CTNNA3: variants seen among roughly 807,000 people sequenced by gnomAD.
The protein encoded by CTNNA3 is catenin alpha 3, also known as catenin alpha-3.
CTNNA3 carries 76 observed loss-of-function variants against 95.7 expected under a neutral mutation model. The ratio of observed to expected loss-of-function variants is 0.79; its 90% CI spans 0.66 to 0.96. The LOEUF (loss-of-function observed/expected upper bound fraction) is 0.96, where lower values mean the gene tolerates loss of function less well. CTNNA3 is among the 40% of genes least tolerant of loss of function. The pLI is 0.00. For synonymous variants in CTNNA3, 431 were observed against 374.4 expected (o/e 1.15, Z -1.74); for missense variants, 1,191 against 1,089.8 (o/e 1.09, Z -1.31).
At chr10:66,632,387 C>G (rs1845169885) in intron 9 of CTNNA3, among the ~76,000 whole-genome samples, 1 of 151,772 alleles carries the variant, frequency 6.6e-6, no homozygotes, top group African/African-American at 2.4e-5. Context: ...AACCCCATCT[C>G]TACTAAAAAA....
At chr10:66,128,396 C>G (rs2133839070) in intron 13 of CTNNA3, among the ~76,000 whole-genome samples, 1 of 152,138 alleles carries the variant, frequency 6.6e-6, no homozygotes, top group African/African-American at 2.4e-5. Context: ...GAACCAAGAT[C>G]TCCTTTGGTA....
At chr10:66,685,164 T>C (rs1847207065) in intron 9 of CTNNA3, among the ~76,000 whole-genome samples, 1 of 113,862 alleles carries the variant, frequency 8.8e-6, no homozygotes, top group Admixed American at 9.2e-5. Flanking sequence ...TATACACGTA[T>C]ATATATATAT....
At chr10:67,626,117 G>T (rs143314538) in intron 2 of CTNNA3, among the ~76,000 whole-genome samples, 1 of 151,414 alleles carries the variant, frequency 6.6e-6, no homozygotes, top group East Asian at 1.9e-4. Flanking sequence ...AGAGATCAAG[G>T]CTGCTATGAG....
intron 10 of CTNNA3, among the ~76,000 whole-genome samples, chr10:66,587,035 C>G (rs1381905077): frequency 1.3e-5 from 2 of 152,100 alleles, no homozygotes; most frequent in African/African-American, 4.8e-5. Context: ...GTGAACTGTC[C>G]TCTAGTTTCC....
intron 12 of CTNNA3, among the ~76,000 whole-genome samples, chr10:66,318,261 G>GATATATATATATATATATAT (rs1554932044): frequency 7.3e-6 from 1 of 137,454 alleles, no homozygotes; most frequent in South Asian, 2.5e-4. Flanking sequence ...GTTGCTGGGA[G>GATATATATATATATATATAT]ATATATATAT....
In CTNNA3 at chr10:67,224,795, G is replaced by A. The variant is rs555711028; in HGVS notation, c.580-4925C>T. On this transcript the variant is annotated intron_variant, in intron 5 of 17. Transcript: ENST00000433211. ...GAGGGCAGCCAGAGAAGCAGGGGTT[G>A]GGGGAGGGGGAAGCACCACAGGGAG... Among the ~76,000 whole-genome samples, 207 of 152,294 alleles carry A rather than the reference G, an allele frequency of 1.4e-3. 2 individuals are homozygous for A. The highest frequency in any genetic ancestry group is 4.8e-3 in the African/African-American group (200 of 41,568).
intron 1 of CTNNA3, among the ~76,000 whole-genome samples, chr10:67,747,753 G>A (rs1841381410): frequency 6.6e-6 from 1 of 152,202 alleles, no homozygotes; most frequent in African/African-American, 2.4e-5. Flanking sequence ...ACTGGGCAGA[G>A]GCTGAGATGG....
intron 11 of CTNNA3, among the ~76,000 whole-genome samples, chr10:66,482,914 G>T (rs10822837): frequency 0.32 from 48,617 of 152,054 alleles, 9,850 homozygotes; most frequent in Non-Finnish European, 0.43. Context: ...TGGTCCAGGG[G>T]TTGTTTCATC....
chr10:66,164,022 A>G (rs1186841440), intron 13 of CTNNA3, among the ~76,000 whole-genome samples: 1 of 152,174 alleles, frequency 6.6e-6, no homozygotes. Flanking sequence ...AAGCATAAAA[A>G]TTATTTTCCT....
intron 1 of CTNNA3, among the ~76,000 whole-genome samples, chr10:67,755,434 T>C (rs541594433): frequency 6.6e-6 from 1 of 152,118 alleles, no homozygotes; most frequent in Admixed American, 6.6e-5. Flanking sequence ...GAAAACAGTA[T>C]GGAGGTTCCT....
rs920952905 is a variant in CTNNA3, at chr10:66,138,496, T to G, written c.1885-35247A>C. ...AGTAGGCTTATTCATGATAATTCTTTATGTATTTTGCTCATTTGATGATAA... is the reference window on the plus strand; with the variant it reads ...AGTAGGCTTATTCATGATAATTCTTGATGTATTTTGCTCATTTGATGATAA... On this transcript the variant is annotated intron_variant, in intron 13 of 17. Transcript: ENST00000433211. Among the ~76,000 whole-genome samples, 6 of 152,318 alleles carry G rather than the reference T, an allele frequency of 3.9e-5. No homozygotes were observed. In the East Asian group the frequency reaches 1.2e-3, roughly 29 times the overall value.
chr10:66,246,028 GC>G (rs2090308317), intron 13 of CTNNA3, among the ~76,000 whole-genome samples: 1 of 152,202 alleles, frequency 6.6e-6, no homozygotes, highest in Non-Finnish European at 1.5e-5. Context: ...GGGACTGGCA[GC>G]CCAGGCCCCA....
chr10:66,572,404 A>C (rs903642170), intron 10 of CTNNA3, among the ~76,000 whole-genome samples: 5 of 151,636 alleles, frequency 3.3e-5, no homozygotes, highest in African/African-American at 1.2e-4. Flanking sequence ...AAATCTGAAT[A>C]TGAATCTAAG....
chr10:67,354,063 A>G (rs188546879), intron 5 of CTNNA3, among the ~76,000 whole-genome samples: 4 of 152,182 alleles, frequency 2.6e-5, no homozygotes, highest in Admixed American at 1.3e-4. Flanking sequence ...AACAATTGGC[A>G]CAAGGCTAGC....
chr10:66,360,748 C>T (rs2092658537), intron 12 of CTNNA3, among the ~76,000 whole-genome samples: 1 of 35,590 alleles, frequency 2.8e-5, no homozygotes, highest in Non-Finnish European at 4.4e-5. Flanking sequence ...TTCTTTCTTC[C>T]TTCCTTCCTT....
At chr10:67,015,698 T>C (rs1386603029) in intron 7 of CTNNA3, among the ~76,000 whole-genome samples, 1 of 152,078 alleles carries the variant, frequency 6.6e-6, no homozygotes, top group Non-Finnish European at 1.5e-5. Flanking sequence ...TTCAAATCTT[T>C]GTAACAATTT....
intron 13 of CTNNA3, among the ~76,000 whole-genome samples, chr10:66,110,749 T>C (rs2082092643): frequency 6.6e-6 from 1 of 152,176 alleles, no homozygotes; most frequent in African/African-American, 2.4e-5. Flanking sequence ...GTCTTACATA[T>C]ACAGTCATGT....
intron 12 of CTNNA3, among the ~76,000 whole-genome samples, chr10:66,360,217 G>C (rs2092643299): frequency 6.6e-6 from 1 of 151,114 alleles, no homozygotes; most frequent in Admixed American, 6.6e-5. Context: ...TTTAAACTCA[G>C]TCAATTTCTC....
intron 2 of CTNNA3, among the ~76,000 whole-genome samples, chr10:67,629,949 C>T (rs1440734529): frequency 6.6e-6 from 1 of 152,130 alleles, no homozygotes; most frequent in Admixed American, 6.6e-5. Flanking sequence ...GTACTAACTG[C>T]TTAAATCTCA....
Sources: allele counts gnomAD v4.1 joint callset (sites outside exome capture counted in the v4.1 genomes callset), GRCh38; gene constraint gnomAD v4.1.1; transcripts MANE v1.5; gene names NCBI Gene and HGNC (gene_info 2026-07-23, HGNC 2026-07-21).